BCKDHB: variants seen among roughly 807,000 people sequenced by gnomAD.
The protein encoded by BCKDHB is 2-oxoisovalerate dehydrogenase subunit beta, mitochondrial.
BCKDHB carries 41 observed loss-of-function variants against 48.5 expected under a neutral mutation model. The ratio of observed to expected loss-of-function variants is 0.85; its 90% CI spans 0.66 to 1.10. The LOEUF is 1.10. BCKDHB is among the 50% of genes least tolerant of loss of function. The pLI is 0.00. For missense variants in BCKDHB, 496 were observed against 494.2 expected, an observed-to-expected ratio of 1.00 and a Z score of -0.03; for synonymous variants, 201 against 174.8, an observed-to-expected ratio of 1.15 and a Z score of -1.18.
At chr6:80,107,892 G>A (rs2127701814) in intron 1 of BCKDHB, among the ~76,000 whole-genome samples, 1 of 152,164 alleles carries the variant, frequency 6.6e-6, no homozygotes, top group Admixed American at 6.5e-5. Context: ...CAGAATATCA[G>A]GAAACTGTAG....
chr6:80,303,156 C>T (rs1473746806), intron 9 of BCKDHB, among the ~76,000 whole-genome samples: 2 of 151,892 alleles, frequency 1.3e-5, no homozygotes, highest in South Asian at 2.1e-4. Flanking sequence ...GTTGGATTTA[C>T]GTAATCTTTT....
the BCKDHB span, among the ~76,000 whole-genome samples, chr6:80,363,407 G>A: frequency 3.9e-5 from 6 of 152,080 alleles, no homozygotes. Flanking sequence ...TTTTTCAAGA[G>A]CTTATCTTTA....
intron 9 of BCKDHB, among the ~76,000 whole-genome samples, chr6:80,294,390 T>G (rs543461188): frequency 1.1e-3 from 173 of 152,284 alleles, no homozygotes; most frequent in Middle Eastern, 0.01. Context: ...ATGAAATCAG[T>G]GCACCTTGAA....
chr6:80,430,328 T>G, the BCKDHB span, among the ~76,000 whole-genome samples: 2 of 152,184 alleles, frequency 1.3e-5, no homozygotes, highest in Admixed American at 1.3e-4. Context: ...AAAATTTTCT[T>G]TTTTGTTGTG....
At chr6:80,456,362 A>C in the BCKDHB span, among the ~76,000 whole-genome samples, 1 of 152,168 alleles carries the variant, frequency 6.6e-6, no homozygotes, top group Non-Finnish European at 1.5e-5. Context: ...TTCCCTGCTC[A>C]GGTAAGAGGC....
At chr6:80,109,904 C>T (rs1282681252) in intron 1 of BCKDHB, among the ~76,000 whole-genome samples, 3 of 152,108 alleles carry the variant, frequency 2.0e-5, no homozygotes, top group Non-Finnish European at 2.9e-5. Context: ...TGGTAAGTAG[C>T]AGAGCCAGAG....
At chr6:80,300,390 G>A (rs1435201498) in intron 9 of BCKDHB, among the ~76,000 whole-genome samples, 1 of 152,044 alleles carries the variant, frequency 6.6e-6, no homozygotes, top group Non-Finnish European at 1.5e-5. Flanking sequence ...CAGACTTTAA[G>A]TCAATAAAAG....
At position 80,203,891 on chromosome 6, in the gene BCKDHB, A is replaced by G. The variant is rs544115499; in HGVS notation, c.951+679A>G. ...CCAATGCCAAGATAATTTAAGAAGC[A>G]TCTATTTTCATATTGATACAAAGAA... On this transcript the variant is annotated intron_variant, in intron 8 of 9. Coordinates refer to ENST00000320393, the MANE Select transcript of BCKDHB (RefSeq NM_183050.4). 6.6e-5 allele frequency among the ~76,000 whole-genome samples: 10 copies of G among 152,210 alleles called. No individual in the cohort carries two copies. The South Asian group carries it at 2.1e-3, about 32-fold the overall frequency.
chr6:80,173,750 A>C, intron 6 of BCKDHB, among the ~76,000 whole-genome samples: 1 of 146,896 alleles, frequency 6.8e-6, no homozygotes, highest in East Asian at 2.0e-4. Flanking sequence ...GTTTTCTTAG[A>C]TTTGACCTCT....
chr6:80,293,063 G>A (rs971465841), intron 9 of BCKDHB, among the ~76,000 whole-genome samples: 1 of 152,162 alleles, frequency 6.6e-6, no homozygotes, highest in Non-Finnish European at 1.5e-5. Flanking sequence ...AGTGTCTGTG[G>A]CTTTTCCAGG....
chr6:80,179,988 C>T (rs1391496885), intron 6 of BCKDHB, among the ~76,000 whole-genome samples: 1 of 152,082 alleles, frequency 6.6e-6, no homozygotes, highest in Non-Finnish European at 1.5e-5. Context: ...CATTTCTGGG[C>T]CTGATCTCTC....
chr6:80,381,559 A>G, the BCKDHB span, among the ~76,000 whole-genome samples: 5,019 of 152,208 alleles, frequency 0.033, 225 homozygotes, highest in East Asian at 0.12. Context: ...GTTTTCTAAC[A>G]AAAATGTTTT....
At chr6:80,261,190 A>C (rs911564120) in intron 8 of BCKDHB, among the ~76,000 whole-genome samples, 50 of 152,248 alleles carry the variant, frequency 3.3e-4, no homozygotes, top group African/African-American at 1.1e-3. Context: ...TCACACTGGG[A>C]AGATGAACCT....
chr6:80,252,577 G>A (rs1410194480), intron 8 of BCKDHB, among the ~76,000 whole-genome samples: 2 of 152,042 alleles, frequency 1.3e-5, no homozygotes, highest in Admixed American at 1.3e-4. Flanking sequence ...ATGTTTAAAA[G>A]CATTGAGTGA....
intron 3 of BCKDHB, among the ~76,000 whole-genome samples, chr6:80,140,618 G>A (rs7773967): frequency 0.66 from 100,451 of 151,112 alleles, 34,366 homozygotes; most frequent in African/African-American, 0.82. Flanking sequence ...ATTGATTTGC[G>A]TATATTGAAC....
Position 80,242,431 on chromosome 6 carries a change from C to G in BCKDHB, c.952-30704C>G, listed in dbSNP as rs543476210. Among the ~76,000 whole-genome samples the G allele has an allele frequency of 2.0e-5, 3 of 152,272 alleles. No homozygotes were observed. The East Asian group carries it at 5.8e-4, about 29-fold the overall frequency. On this transcript the variant is annotated intron_variant, in intron 8 of 9. Coordinates refer to ENST00000320393, the MANE Select transcript of BCKDHB (RefSeq NM_183050.4). ...AATTTGAATATCTGATAGGGCAAAT[C>G]TCCCGAACTTGCTCTTCTTCAGTTA...
At chr6:80,396,813 C>G in the BCKDHB span, among the ~76,000 whole-genome samples, 2 of 152,166 alleles carry the variant, frequency 1.3e-5, no homozygotes, top group Non-Finnish European at 2.9e-5. Flanking sequence ...TGTAAGTTTC[C>G]TGAGGCCTTC....
intron 8 of BCKDHB, among the ~76,000 whole-genome samples, chr6:80,253,647 C>A (rs536440916): frequency 3.3e-5 from 5 of 152,228 alleles, no homozygotes; most frequent in Non-Finnish European, 5.9e-5. Context: ...CATGTCATAT[C>A]ACTTTACCAT....
the BCKDHB span, among the ~76,000 whole-genome samples, chr6:80,387,141 A>C: frequency 2.0e-5 from 3 of 152,178 alleles, no homozygotes; most frequent in Non-Finnish European, 4.4e-5. Context: ...GTAGAGGCTT[A>C]TGGAGGTCAG....
Sources: gnomAD v4.1 joint callset for allele counts (sites outside exome capture counted in the v4.1 genomes callset) on GRCh38, gnomAD v4.1.1 for gene constraint, MANE v1.5 for transcripts, NCBI Gene and HGNC (gene_info 2026-07-23, HGNC 2026-07-21) for gene names.